Variants in PTPRT observed in about 807,000 individuals in gnomAD.
The protein encoded by PTPRT is receptor-type tyrosine-protein phosphatase T.
Under a neutral mutation model 176.8 loss-of-function variants are expected in PTPRT, and 56 were observed. The ratio of observed to expected loss-of-function variants is 0.32; its 90% CI spans 0.26 to 0.40. PTPRT has a LOEUF of 0.40. Among genes scored for constraint, PTPRT ranks in the 10% least tolerant of loss-of-function variants. PTPRT has a pLI of 1.00. For missense variants in PTPRT, 1,540 were observed against 1,908.2 expected, an observed-to-expected ratio of 0.81 and a Z score of 3.60; for synonymous variants, 783 against 739.0, an observed-to-expected ratio of 1.06 and a Z score of -0.96.
chr20:42,326,975 A>T (rs1334636734), intron 11 of PTPRT, among the ~76,000 whole-genome samples: 1 of 151,032 alleles, frequency 6.6e-6, no homozygotes, highest in African/African-American at 2.4e-5. Context: ...ACAACAAAGG[A>T]ATGAGGCTGA....
intron 15 of PTPRT, among the ~76,000 whole-genome samples, chr20:42,228,036 G>C (rs6030069): frequency 0.61 from 92,295 of 151,966 alleles, 28,545 homozygotes; most frequent in African/African-American, 0.72. Flanking sequence ...CATTAACCTT[G>C]TTTATAAAGT....
intron 1 of PTPRT, among the ~76,000 whole-genome samples, chr20:42,982,932 C>T (rs1983364883): frequency 3.9e-5 from 6 of 152,240 alleles, no homozygotes; most frequent in Admixed American, 3.9e-4. Flanking sequence ...TCACTACCTC[C>T]CACATACCTT....
chr20:43,060,672 C>G (rs1171942389), intron 1 of PTPRT, among the ~76,000 whole-genome samples: 3 of 152,198 alleles, frequency 2.0e-5, no homozygotes, highest in Non-Finnish European at 4.4e-5. Context: ...GCTACTAGCA[C>G]AGTGCCCACC....
At chr20:42,592,104 C>T (rs1052708911) in intron 7 of PTPRT, among the ~76,000 whole-genome samples, 4 of 151,336 alleles carry the variant, frequency 2.6e-5, no homozygotes, top group Non-Finnish European at 4.4e-5. Context: ...CTCAGCCTCC[C>T]GAGTAGCTGG....
chr20:42,619,701 T>C lies in PTPRT; in HGVS notation c.1153+58165A>G, dbSNP rs1260698403. On this transcript the variant is annotated intron_variant, in intron 7 of 30. Coordinates refer to ENST00000373187, the MANE Select transcript of PTPRT (RefSeq NM_007050.6). ...TTCATTTCATTCATTTCATCTTTCATTGCTGATGCCCTTTCTTCCAGTTGA... is the reference window on the plus strand; with the variant it reads ...TTCATTTCATTCATTTCATCTTTCACTGCTGATGCCCTTTCTTCCAGTTGA... Among the ~76,000 whole-genome samples, 2 of 136,790 alleles carry C rather than the reference T, an allele frequency of 1.5e-5. 1 individual carries two copies. Among genetic ancestry groups the C allele is most frequent in the African/African-American group, 6.7e-5 (2 of 30,014 alleles). 89.7% of individuals were successfully genotyped at this position (136,790 alleles called of 152,430 possible). A position where few individuals can be genotyped will look rare whatever the true frequency, so the allele number is the denominator to read the frequency against.
In PTPRT at chr20:42,499,267, C is replaced by T. The variant is rs115001494; in HGVS notation, c.1154-26705G>A. Among the ~76,000 whole-genome samples the T allele has an allele frequency of 7.4e-3, 1,113 of 151,180 alleles. 10 individuals carry two copies. Among genetic ancestry groups the T allele is most frequent in the African/African-American group, 0.026 (1,051 of 41,204 alleles). ...GACTGCAAATGGTGCCATGTACAGT[C>T]TGTATATGTGTAAGTTTTGATAAAC... is the stretch of plus-strand genomic sequence containing the variant. On this transcript the variant is annotated intron_variant, in intron 7 of 30. Transcript: ENST00000373187.
chr20:42,186,373 C>A (rs1281136143), intron 16 of PTPRT, among the ~76,000 whole-genome samples: 1 of 67,312 alleles, frequency 1.5e-5, no homozygotes, highest in African/African-American at 4.1e-5. Context: ...ATCCCACGCT[C>A]CTTCTACCAC....
At chr20:43,034,830 T>C (rs1011226121) in intron 1 of PTPRT, among the ~76,000 whole-genome samples, 1 of 152,004 alleles carries the variant, frequency 6.6e-6, no homozygotes, top group African/African-American at 2.4e-5. Context: ...CCGGGTTTTG[T>C]CTGTGCTTAG....
At chr20:42,277,433 T>C (rs1600769287) in intron 13 of PTPRT, among the ~76,000 whole-genome samples, 1 of 151,954 alleles carries the variant, frequency 6.6e-6, no homozygotes, top group Non-Finnish European at 1.5e-5. Context: ...AAGATGGGAG[T>C]GCTGCTGCCT....
chr20:43,168,792 C>A (rs1281070757), intron 1 of PTPRT, among the ~76,000 whole-genome samples: 1 of 152,140 alleles, frequency 6.6e-6, no homozygotes, highest in Non-Finnish European at 1.5e-5. Flanking sequence ...ACATGCTCAT[C>A]CCACCGTGCC....
At chr20:42,222,019 T>A (rs1476831320) in intron 15 of PTPRT, among the ~76,000 whole-genome samples, 3 of 152,264 alleles carry the variant, frequency 2.0e-5, no homozygotes, top group Middle Eastern at 3.4e-3. Context: ...TTTTCTATTG[T>A]AATTTAGAGC....
chr20:42,729,332 A>G (rs2146258568), intron 6 of PTPRT, among the ~76,000 whole-genome samples: 1 of 152,356 alleles, frequency 6.6e-6, no homozygotes, highest in Middle Eastern at 3.4e-3. Context: ...AAAACAGAGG[A>G]AATTTTCTGT....
chr20:43,159,153 C>T (rs995081623), intron 1 of PTPRT, among the ~76,000 whole-genome samples: 1 of 152,170 alleles, frequency 6.6e-6, no homozygotes, highest in Non-Finnish European at 1.5e-5. Context: ...AGCTGAACTC[C>T]ACCAGGGCAC....
downstream of PTPRT, among the ~76,000 whole-genome samples, chr20:42,070,291 TA>T (rs1982268815): frequency 6.6e-6 from 1 of 151,718 alleles, no homozygotes. Flanking sequence ...AGAAAGATCT[TA>T]AGTCAAACCA....
chr20:42,977,025 A>G (rs1364022499), intron 1 of PTPRT, among the ~76,000 whole-genome samples: 1 of 152,166 alleles, frequency 6.6e-6, no homozygotes, highest in African/African-American at 2.4e-5. Flanking sequence ...GCACTGCCGA[A>G]GCCAGCCAGC....
chr20:43,165,298 A>T (rs924376031), intron 1 of PTPRT, among the ~76,000 whole-genome samples: 15 of 151,826 alleles, frequency 9.9e-5, no homozygotes, highest in Admixed American at 3.9e-4. Context: ...AGCTGGGATT[A>T]CAGGCGCCTG....
At position 42,076,226 on chromosome 20, in the gene PTPRT, C is replaced by CCAGT. The variant is rs1337964044; in HGVS notation, c.*4649_*4652dup. ...CCAAGGTGCTAGGTGCTGTAGGCAC[C>CCAGT]CAGTAATTATGTGTGGCTAGGGTAA... is the stretch of plus-strand genomic sequence containing the variant. On this transcript the variant is annotated 3_prime_UTR_variant, in exon 31 of 31. Coordinates refer to ENST00000373187, the MANE Select transcript of PTPRT (RefSeq NM_007050.6). 1 of 206,950 alleles carries CCAGT rather than the reference C, an allele frequency of 4.8e-6. No individual in the cohort carries two copies. Among genetic ancestry groups the CCAGT allele is most frequent in the African/African-American group, 2.3e-5 (1 of 43,806 alleles). 12.8% of individuals were successfully genotyped at this position (206,950 alleles called of 1,614,324 possible).
At chr20:42,447,682 T>C (rs1182227315) in intron 9 of PTPRT, among the ~76,000 whole-genome samples, 1 of 152,152 alleles carries the variant, frequency 6.6e-6, no homozygotes, top group South Asian at 2.1e-4. Flanking sequence ...TTCTGGTTCA[T>C]CTCTGATATG....
At chr20:42,500,725 A>G (rs1474235501) in intron 7 of PTPRT, among the ~76,000 whole-genome samples, 1 of 152,268 alleles carries the variant, frequency 6.6e-6, no homozygotes, top group East Asian at 1.9e-4. Context: ...TTGACTGAAG[A>G]TGTCCCTCAT....
Sources: gnomAD v4.1 joint callset for allele counts (sites outside exome capture counted in the v4.1 genomes callset) on GRCh38, gnomAD v4.1.1 for gene constraint, MANE v1.5 for transcripts, NCBI Gene and HGNC (gene_info 2026-07-23, HGNC 2026-07-21) for gene names.